Variants in CLCC1 observed in about 807,000 individuals in gnomAD.
The protein encoded by CLCC1 is chloride channel CLIC-like protein 1.
In CLCC1, 39 loss-of-function variants were observed where a neutral mutation model predicts 63.3. The observed-to-expected ratio is 0.62, with a 90% confidence interval of 0.48 to 0.81. CLCC1 has a LOEUF of 0.81. Among genes scored for constraint, CLCC1 ranks in the 30% least tolerant of loss-of-function variants. CLCC1 has a pLI of 0.00. For synonymous variants in CLCC1, 217 were observed against 239.8 expected (o/e 0.90, Z 0.88); for missense variants, 549 against 669.4 (o/e 0.82, Z 1.98).
At chr1:108,943,445 A>C (rs1654110988) in intron 7 of CLCC1, 30 bp downstream of exon 7, 1 of 1,599,240 alleles carries the variant, frequency 6.3e-7, no homozygotes, top group Non-Finnish European at 8.5e-7. Flanking sequence ...AAATGTGTTA[A>C]AATTGTAAAA....
At chr1:108,960,005 C>T (rs561698096) in intron 2 of CLCC1, among the ~76,000 whole-genome samples, 11 of 152,112 alleles carry the variant, frequency 7.2e-5, no homozygotes, top group Admixed American at 1.3e-4. Flanking sequence ...TGGTGGCATA[C>T]GTCTATATTT....
chr1:108,943,626 A>G lies in CLCC1; in HGVS notation c.562-11T>C. Reference sequence around the variant, plus strand: ...CAGACAAAGAAGTACCTTAAAACAGAGAGAAGCAGAAATCAGCCACCAAAA... The same window carrying G: ...CAGACAAAGAAGTACCTTAAAACAGGGAGAAGCAGAAATCAGCCACCAAAA... On this transcript the variant is annotated splice_polypyrimidine_tract_variant and intron_variant, in intron 6 of 12. Transcript: ENST00000369969. 1 of 1,612,914 alleles carries G rather than the reference A, an allele frequency of 6.2e-7. No individual in the cohort carries two copies. The highest frequency in any genetic ancestry group is 8.5e-7 in the Non-Finnish European group (1 of 1,179,790).
intron 2 of CLCC1, among the ~76,000 whole-genome samples, chr1:108,961,278 G>A: frequency 1.1e-5 from 1 of 88,140 alleles, no homozygotes. Context: ...CTGCTGAAGA[G>A]TTTGTTAAAA....
At chr1:108,934,511 A>G in intron 12 of CLCC1, 114 bp downstream of exon 12, 2 of 775,394 alleles carry the variant, frequency 2.6e-6, no homozygotes, top group Non-Finnish European at 4.0e-6. Flanking sequence ...TGTTAATTCT[A>G]ATTGTCAGTA....
chr1:108,937,546 C>T, intron 10 of CLCC1, 128 bp from the exon 11 acceptor site: 1 of 808,478 alleles, frequency 1.2e-6, no homozygotes, highest in Non-Finnish European at 1.8e-6. Flanking sequence ...TAGACATAAA[C>T]ATGTTAATTT....
At chr1:108,961,260 A>G (rs904833009) in intron 2 of CLCC1, among the ~76,000 whole-genome samples, 4 of 148,458 alleles carry the variant, frequency 2.7e-5, no homozygotes, top group African/African-American at 1.0e-4. Context: ...ACAAAGCTAC[A>G]TCTAAACCTG....
In CLCC1 at chr1:108,950,294, A is replaced by G. The variant is rs751522335; in HGVS notation, c.129+15T>C. 3.7e-6 allele frequency: 6 copies of G among 1,605,922 alleles called. No individual in the cohort carries two copies. The South Asian group carries it at 5.6e-5, about 15-fold the overall frequency. ...TGATAAGGTCTCACACACATGCACGAATTTTTTTTAATACCTGAGATTTTC... is the reference window on the plus strand; with the variant it reads ...TGATAAGGTCTCACACACATGCACGGATTTTTTTTAATACCTGAGATTTTC... On this transcript the variant is annotated intron_variant, in intron 3 of 12. Coordinates refer to ENST00000369969, the MANE Select transcript of CLCC1 (RefSeq NM_001377458.1).
chr1:108,958,339 T>C lies in CLCC1; in HGVS notation c.-12+3970A>G, dbSNP rs185226907. Reference sequence around the variant, plus strand: ...TTCAATTATGCACAGCTCTGGATAGTGTGAGGAACTCTCTTCCTGTCCTGT... The same window carrying C: ...TTCAATTATGCACAGCTCTGGATAGCGTGAGGAACTCTCTTCCTGTCCTGT... On this transcript the variant is annotated intron_variant, in intron 2 of 12. Coordinates refer to ENST00000369969, the MANE Select transcript of CLCC1 (RefSeq NM_001377458.1). 3.3e-5 allele frequency among the ~76,000 whole-genome samples: 5 copies of C among 151,632 alleles called. No homozygotes were observed. In the East Asian group the frequency reaches 7.7e-4, roughly 23 times the overall value.
At chr1:108,947,835 T>C (rs839543) in intron 4 of CLCC1, 117 bp from the exon 5 acceptor site, 365,901 of 683,478 alleles carry the variant, frequency 0.54, 99,406 homozygotes, top group African/African-American at 0.68. Context: ...TTTGATCAAG[T>C]TTGCATTTAT....
At chr1:108,950,511 G>GGTTATT (rs1553222292) in intron 2 of CLCC1, 63 bp from the exon 3 acceptor site, 1 of 833,794 alleles carries the variant, frequency 1.2e-6, no homozygotes, top group East Asian at 4.3e-5. Context: ...TTGGGTTTTG[G>GGTTATT]GTTATTATTA....
At chr1:108,942,526 G>C (rs760531435) in intron 7 of CLCC1, among the ~76,000 whole-genome samples, 4 of 152,126 alleles carry the variant, frequency 2.6e-5, no homozygotes, top group African/African-American at 4.8e-5. Context: ...TTGGCTACTT[G>C]ACTCACTCTG....
At chr1:108,937,895 A>G (rs749656466) in intron 10 of CLCC1, among the ~76,000 whole-genome samples, 2 of 152,214 alleles carry the variant, frequency 1.3e-5, no homozygotes, top group Non-Finnish European at 2.9e-5. Flanking sequence ...CCATGGGAAA[A>G]AGTAGGCAGC....
chr1:108,940,658 A>C (rs940658215), intron 8 of CLCC1, among the ~76,000 whole-genome samples: 6 of 152,224 alleles, frequency 3.9e-5, no homozygotes, highest in Non-Finnish European at 7.3e-5. Context: ...TGGAGTTTAC[A>C]AAATAAAGTG....
Position 108,943,928 on chromosome 1 carries a change from C to T in CLCC1, c.469G>A (p.Asp157Asn), listed in dbSNP as rs919912813. Residue 157 changes from aspartate to asparagine, a missense_variant, in exon 6 of 13, where the codon GAT becomes AAT. Asp to Asn is a conservative substitution (Grantham distance 23). Transcript: ENST00000369969. ...KPGALDDALS[D>N]ILINFKFHDF... ...TGAAACTTAAAATTAATTAAAATAT[C>T]ACTTAGTGCATCATCCAAGGCACCT... 6.2e-7 allele frequency: 1 copy of T among 1,613,110 alleles called. No individual in the cohort carries two copies. The highest frequency in any genetic ancestry group is 1.3e-5 in the African/African-American group (1 of 75,010).
At chr1:108,962,689 G>T (rs1018528343) in intron 1 of CLCC1, among the ~76,000 whole-genome samples, 15 of 151,988 alleles carry the variant, frequency 9.9e-5, no homozygotes, top group African/African-American at 3.6e-4. Flanking sequence ...GACAACACAG[G>T]GAGACCCCTT....
chr1:108,945,739 T>C (rs1474590626), intron 5 of CLCC1, among the ~76,000 whole-genome samples: 1 of 152,222 alleles, frequency 6.6e-6, no homozygotes, highest in Non-Finnish European at 1.5e-5. Context: ...AGCAACAAAA[T>C]AATGGGTTTC....
chr1:108,939,552 G>A (rs538110764), intron 10 of CLCC1, 84 bp downstream of exon 10: 13 of 1,221,770 alleles, frequency 1.1e-5, no homozygotes, highest in Middle Eastern at 2.3e-4. Context: ...CTCGTGATCC[G>A]CCCGCCTAGG....
At position 108,929,985 on chromosome 1, in the gene CLCC1, CA is replaced by C; in HGVS notation, c.*2561del. 6.5e-7 allele frequency: 1 copy of C among 1,541,782 alleles called. No homozygotes were observed. Among genetic ancestry groups the C allele is most frequent in the Non-Finnish European group, 8.9e-7 (1 of 1,119,402 alleles). On this transcript the variant is annotated 3_prime_UTR_variant, in exon 13 of 13. Coordinates refer to ENST00000369969, the MANE Select transcript of CLCC1 (RefSeq NM_001377458.1). Reference sequence around the variant, plus strand: ...TTTCCTTTCAAACACGGTAAGGAAACAATCTATTACTTTTTTCCTTAAAAGG... The same window carrying C: ...TTTCCTTTCAAACACGGTAAGGAAACATCTATTACTTTTTTCCTTAAAAGG...
At position 108,931,069 on chromosome 1, in the gene CLCC1, TTGTG is replaced by T. The variant is rs1371806767; in HGVS notation, c.*1474_*1477del. 1 of 269,998 alleles carries T rather than the reference TTGTG, an allele frequency of 3.7e-6. No individual in the cohort carries two copies. The highest frequency in any genetic ancestry group is 7.1e-6 in the Non-Finnish European group (1 of 141,562). 16.7% of individuals were successfully genotyped at this position (269,998 alleles called of 1,614,324 possible). A position where few individuals can be genotyped will look rare whatever the true frequency, so the allele number is the denominator to read the frequency against. Reference sequence around the variant, plus strand: ...CCTGTCTCTAGAAAACAAGTATCTTTTGTGTGTTTTGGGCTGTTTAAAAAAATTA... The same window carrying T: ...CCTGTCTCTAGAAAACAAGTATCTTTTGTTTTGGGCTGTTTAAAAAAATTA... On this transcript the variant is annotated 3_prime_UTR_variant, in exon 13 of 13. Coordinates refer to ENST00000369969, the MANE Select transcript of CLCC1 (RefSeq NM_001377458.1).
Sources: allele counts gnomAD v4.1 joint callset (sites outside exome capture counted in the v4.1 genomes callset), GRCh38; gene constraint gnomAD v4.1.1; transcripts MANE v1.5; gene names NCBI Gene and HGNC (gene_info 2026-07-23, HGNC 2026-07-21).